Variants in SARM1 observed in about 807,000 individuals in gnomAD.
SARM1 encodes sterile alpha and TIR motif containing 1.
SARM1 carries 60 observed loss-of-function variants against 65.1 expected under a neutral mutation model. That is an observed-to-expected ratio of 0.92 (90% CI 0.75 to 1.14). The LOEUF is 1.14. Ranked by LOEUF, SARM1 falls within the 50% of genes most tolerant of loss-of-function variation. The pLI is 0.00. For missense variants in SARM1, 913 were observed against 1,015.7 expected, an observed-to-expected ratio of 0.90 and a Z score of 1.37; for synonymous variants, 417 against 465.4, an observed-to-expected ratio of 0.90 and a Z score of 1.34.
intron 5 of SARM1, chr17:28,386,734 ATTT>A (rs1339920170): frequency 6.6e-6 from 1 of 152,114 alleles, no homozygotes; most frequent in East Asian, 1.9e-4. Flanking sequence ...TCAAGATTTC[ATTT>A]TTATTATAAT....
At chr17:28,394,326 T>C (rs1316267764) in intron 7 of SARM1, among the ~76,000 whole-genome samples, 1 of 151,958 alleles carries the variant, frequency 6.6e-6, no homozygotes, top group Admixed American at 6.6e-5. Flanking sequence ...GGGGTGGAGG[T>C]AGGGAAAAAT....
chr17:28,374,117 A>AT (rs1414859485), intron 1 of SARM1: 5 of 151,208 alleles, frequency 3.3e-5, no homozygotes, highest in East Asian at 1.9e-4. Context: ...AAAAAAAAAA[A>AT]AATACAAAAA....
At chr17:28,376,988 C>T (rs956794609) in intron 1 of SARM1, among the ~76,000 whole-genome samples, 1 of 152,122 alleles carries the variant, frequency 6.6e-6, no homozygotes, top group Non-Finnish European at 1.5e-5. Flanking sequence ...TGGAGTTTCA[C>T]CATGTTGGCC....
At chr17:28,395,757 G>T in intron 7 of SARM1, 148 bp from the exon 8 acceptor site, 1 of 757,278 alleles carries the variant, frequency 1.3e-6, no homozygotes, top group East Asian at 2.5e-5. Context: ...TACACTACAA[G>T]GGTTAAGGTA....
Position 28,381,556 on chromosome 17 carries a change from C to A in SARM1, c.824C>A (p.Ala275Glu), listed in dbSNP as rs376587698. The change falls in exon 2 of 9, where the codon GCG becomes GAG. Residue 275 changes from alanine (A) to glutamate (E), a missense_variant. By Grantham distance (107) the Ala-to-Glu change is moderately radical. Around this residue, in one of 3 missense-constraint regions of SARM1, gnomAD observed 862 missense variants for 952.1 expected, o/e 0.91. Transcript: ENST00000585482. ...LLRLHACLAV[A>E]VLATNKEVER... Reference sequence around the variant, plus strand: ...CGGCTGCACGCCTGCCTCGCAGTAGCGGTGTTGGCGACTAACAAGGAGGTG... The same window carrying A: ...CGGCTGCACGCCTGCCTCGCAGTAGAGGTGTTGGCGACTAACAAGGAGGTG... 1.3e-6 allele frequency: 2 copies of A among 1,589,876 alleles called. No homozygotes were observed. The highest frequency in any genetic ancestry group is 2.3e-5 in the South Asian group (2 of 87,200).
At position 28,399,541 on chromosome 17, in the gene SARM1, C is replaced by T; in HGVS notation, c.*3255C>T. 1 of 1,059,804 alleles carries T rather than the reference C, an allele frequency of 9.4e-7. No homozygotes were observed. The highest frequency in any genetic ancestry group is 1.4e-6 in the Non-Finnish European group (1 of 700,830). 65.7% of individuals were successfully genotyped at this position (1,059,804 alleles called of 1,614,324 possible). ...TTGACTACCTCGTCCAAAGAGAGCACTGCCCTTAGACAAGAGTTGCTTGTC... is the reference window on the plus strand; with the variant it reads ...TTGACTACCTCGTCCAAAGAGAGCATTGCCCTTAGACAAGAGTTGCTTGTC... On this transcript the variant is annotated 3_prime_UTR_variant, in exon 9 of 9. Transcript: ENST00000585482.
chr17:28,376,278 G>A lies in SARM1; in HGVS notation c.470+3776G>A, dbSNP rs111471778. On this transcript the variant is annotated intron_variant, in intron 1 of 8. Transcript: ENST00000585482. ...CCTCTGAAAATGAGAGTGTTGGCTG[G>A]CCAGGGGCGGTGGCTCACGCCTGTA... 4.2e-3 allele frequency among the ~76,000 whole-genome samples: 637 copies of A among 152,196 alleles called. 3 individuals are homozygous for A. The highest frequency in any genetic ancestry group is 0.015 in the African/African-American group (608 of 41,512).
At position 28,384,699 on chromosome 17, in the gene SARM1, C is replaced by T. The variant is rs969418228; in HGVS notation, c.1302+130C>T. 32 of 1,207,958 alleles carry T rather than the reference C, an allele frequency of 2.6e-5. No individual in the cohort carries two copies. The highest frequency in any genetic ancestry group is 4.4e-4 in the Middle Eastern group (2 of 4,582). 74.8% of individuals were successfully genotyped at this position (1,207,958 alleles called of 1,614,324 possible). On this transcript the variant is annotated intron_variant, in intron 3 of 8. Transcript: ENST00000585482. This position sits in a 1 kb window ranked among gnomAD's most constrained non-coding sequence, Gnocchi z 4.4. ...TTGGGGGCGGGGAGCCTGTACGCAGCCACCGTTAGGGTCACTCGGCTCTGA... is the reference window on the plus strand; with the variant it reads ...TTGGGGGCGGGGAGCCTGTACGCAGTCACCGTTAGGGTCACTCGGCTCTGA...
chr17:28,387,646 C>T lies in SARM1; in HGVS notation c.1631-528C>T, dbSNP rs781825634. On this transcript the variant is annotated intron_variant, in intron 5 of 8. Coordinates refer to ENST00000585482, the MANE Select transcript of SARM1 (RefSeq NM_015077.4). ...TTTAGTAGGTAGAATCCTCAGAATGCGGTGCCTGGCGCTTAGTACTGAGCG... is the reference window on the plus strand; with the variant it reads ...TTTAGTAGGTAGAATCCTCAGAATGTGGTGCCTGGCGCTTAGTACTGAGCG... 1.2e-4 allele frequency among the ~76,000 whole-genome samples: 18 copies of T among 152,320 alleles called. No homozygotes were observed. The East Asian group carries it at 1.7e-3, about 15-fold the overall frequency.
rs1297784767 is a variant in SARM1 at position 28,385,613 on chromosome 17, C to T, written c.1630+338C>T. 7.8e-6 allele frequency: 3 copies of T among 383,398 alleles called. No homozygotes were observed. Among genetic ancestry groups the T allele is most frequent in the Non-Finnish European group, 1.4e-5 (3 of 211,148 alleles). 23.7% of individuals were successfully genotyped at this position (383,398 alleles called of 1,614,324 possible). ...TTTCAGAGAGGACAGGATGCCTGAC[C>T]ATGTCTTGAGAGGTGCACTGGCGGG... On this transcript the variant is annotated intron_variant, in intron 5 of 8. Transcript: ENST00000585482. This position sits in a 1 kb window ranked among gnomAD's most constrained non-coding sequence, Gnocchi z 4.5.
chr17:28,374,589 TG>T (rs1201522261), intron 1 of SARM1, among the ~76,000 whole-genome samples: 2 of 152,078 alleles, frequency 1.3e-5, no homozygotes, highest in African/African-American at 4.8e-5. Context: ...TGCATGAGAA[TG>T]GGGCTGGAAA....
In SARM1 at chr17:28,400,842, G is replaced by A. The variant is rs1400892386; in HGVS notation, c.*4556G>A. ...ACTCTGGCACCACCACCTCACAGCTGTGTGACCGGGAGTAGTCACTTAACC... is the reference window on the plus strand; with the variant it reads ...ACTCTGGCACCACCACCTCACAGCTATGTGACCGGGAGTAGTCACTTAACC... On this transcript the variant is annotated 3_prime_UTR_variant, in exon 9 of 9. Transcript: ENST00000585482. The A allele has an allele frequency of 5.9e-6, 8 of 1,353,254 alleles. No homozygotes were observed. The African/African-American group carries it at 1.2e-4, about 20-fold the overall frequency. 83.8% of individuals were successfully genotyped at this position (1,353,254 alleles called of 1,614,324 possible).
chr17:28,396,320 C>T lies in SARM1; in HGVS notation c.*34C>T. Reference sequence around the variant, plus strand: ...CAGTTCCCCAGCCCTGCTGTGACTTCCATTTCCATCGTCCTTTCTGAAGGA... The same window carrying T: ...CAGTTCCCCAGCCCTGCTGTGACTTTCATTTCCATCGTCCTTTCTGAAGGA... On this transcript the variant is annotated 3_prime_UTR_variant, in exon 9 of 9. Transcript: ENST00000585482. The T allele has an allele frequency of 6.2e-7, 1 of 1,611,592 alleles. No homozygotes were observed. Among genetic ancestry groups the T allele is most frequent in the African/African-American group, 1.3e-5 (1 of 74,994 alleles).
At position 28,400,318 on chromosome 17, in the gene SARM1, T is replaced by C. The variant is rs2068180436; in HGVS notation, c.*4032T>C. The C allele has an allele frequency of 4.8e-6, 2 of 414,968 alleles. No individual in the cohort carries two copies. The highest frequency in any genetic ancestry group is 9.0e-6 in the Non-Finnish European group (2 of 222,990). The allele number at this position is 414,968 out of a possible 1,614,324, so 25.7% of individuals were successfully genotyped here. On this transcript the variant is annotated 3_prime_UTR_variant, in exon 9 of 9. Coordinates refer to ENST00000585482, the MANE Select transcript of SARM1 (RefSeq NM_015077.4). The stretch of plus-strand genomic sequence containing the variant: ...TTTAACACAGTTCTGCTGCCATAGT[T>C]CCATCTATAAAATGGGAATGGAGGG...
chr17:28,378,422 C>G (rs1292291010), intron 1 of SARM1, among the ~76,000 whole-genome samples: 1 of 152,236 alleles, frequency 6.6e-6, no homozygotes, highest in Non-Finnish European at 1.5e-5. Context: ...AATGCCCACA[C>G]TATTCTCTTG....
In SARM1 at chr17:28,385,315, C is replaced by T. The variant is rs2068045600; in HGVS notation, c.1630+40C>T. 1.4e-6 allele frequency: 2 copies of T among 1,428,142 alleles called. No individual in the cohort carries two copies. Among genetic ancestry groups the T allele is most frequent in the African/African-American group, 2.8e-5 (2 of 70,896 alleles). 88.5% of individuals were successfully genotyped at this position (1,428,142 alleles called of 1,614,324 possible). The stretch of plus-strand genomic sequence containing the variant: ...CCGGGACCCCGCCCCAGCCCCAGCC[C>T]CAGCCACGGCCCTGGAATGGTGAGG... On this transcript the variant is annotated intron_variant, in intron 5 of 8. Transcript: ENST00000585482. The surrounding 1 kb of genome is among the most constrained non-coding windows in gnomAD (Gnocchi z 4.5).
At position 28,400,874 on chromosome 17, in the gene SARM1, TC is replaced by T. The variant is rs1668850828; in HGVS notation, c.*4592del. The T allele has an allele frequency of 2.1e-6, 2 of 948,942 alleles. No individual in the cohort carries two copies. Among genetic ancestry groups the T allele is most frequent in the Admixed American group, 4.0e-5 (2 of 50,102 alleles). 58.8% of individuals were successfully genotyped at this position (948,942 alleles called of 1,614,324 possible). A position where few individuals can be genotyped will look rare whatever the true frequency, so the allele number is the denominator to read the frequency against. ...CGGGAGTAGTCACTTAACCTATGTC[TC>T]CCCTTCCTCACCAGTAAATCCTGCT... On this transcript the variant is annotated 3_prime_UTR_variant, in exon 9 of 9. Transcript: ENST00000585482.
Position 28,372,096 on chromosome 17 carries a change from C to T in SARM1, c.64C>T (p.Arg22Trp), listed in dbSNP as rs782169698. Residue 22 changes from arginine (R) to tryptophan (W), a missense_variant, in exon 1 of 9, where the codon CGG becomes TGG. Transcript: ENST00000585482. This position sits in a 1 kb window ranked among gnomAD's most constrained non-coding sequence, Gnocchi z 5.2. ...LCRFFAMSGP[R>W]PGAERLAVPG... is the part of the protein sequence containing the mutation. The stretch of plus-strand genomic sequence containing the variant: ...TCGCTTCTTCGCCATGTCGGGCCCA[C>T]GGCCGGGCGCCGAGCGGCTGGCGGT... 19 of 1,484,082 alleles carry T rather than the reference C, an allele frequency of 1.3e-5. No homozygotes were observed. In the South Asian group the frequency reaches 1.9e-4, roughly 15 times the overall value. 91.9% of individuals were successfully genotyped at this position (1,484,082 alleles called of 1,614,324 possible). A position where few individuals can be genotyped will look rare whatever the true frequency, so the allele number is the denominator to read the frequency against.
rs569526091 is a variant in SARM1, at chr17:28,396,804, G to A, written c.*518G>A. ...GCCCCTGCACTTACAACTTCCTGCC[G>A]CTCTGTGGCCTTGCCCTGTAATCAC... is the stretch of plus-strand genomic sequence containing the variant. On this transcript the variant is annotated 3_prime_UTR_variant, in exon 9 of 9. Coordinates refer to ENST00000585482, the MANE Select transcript of SARM1 (RefSeq NM_015077.4). 363 of 156,252 alleles carry A rather than the reference G, an allele frequency of 2.3e-3. No individual in the cohort carries two copies. Among genetic ancestry groups the A allele is most frequent in the Non-Finnish European group, 3.6e-3 (251 of 70,560 alleles). 9.7% of individuals were successfully genotyped at this position (156,252 alleles called of 1,614,324 possible).
Sources: gnomAD v4.1 joint callset for allele counts (sites outside exome capture counted in the v4.1 genomes callset) on GRCh38, gnomAD v4.1.1 for gene constraint, gnomAD v4.1.1 regional missense constraint, Gnocchi (gnomAD v3.1) non-coding constraint, MANE v1.5 for transcripts, NCBI Gene and HGNC (gene_info 2026-07-23, HGNC 2026-07-21) for gene names.